BUB3: variants seen among roughly 807,000 people sequenced by gnomAD.
BUB3 encodes mitotic checkpoint protein BUB3.
BUB3 carries 22 observed loss-of-function variants against 39.9 expected under a neutral mutation model. That is an observed-to-expected ratio of 0.55 (90% CI 0.39 to 0.79). BUB3 has a LOEUF of 0.79. Among genes scored for constraint, BUB3 ranks in the 30% least tolerant of loss-of-function variants. The pLI is 0.00. For synonymous variants in BUB3, 168 were observed against 155.1 expected (o/e 1.08, Z -0.62); for missense variants, 303 against 415.4 (o/e 0.73, Z 2.35).
At chr10:123,160,949 G>T (rs528199657) in intron 5 of BUB3, among the ~76,000 whole-genome samples, 42 of 152,138 alleles carry the variant, frequency 2.8e-4, no homozygotes, top group Admixed American at 2.2e-3. Flanking sequence ...TTAAGCTTAT[G>T]GAATTTGCTG....
In BUB3 at chr10:123,160,522, T is replaced by C. The variant is rs767340055; in HGVS notation, c.533T>C (p.Leu178Pro). 1.2e-6 allele frequency: 2 copies of C among 1,612,142 alleles called. No individual in the cohort carries two copies. The highest frequency in any genetic ancestry group is 1.1e-5 in the South Asian group (1 of 90,736). ...GYVQQRRESSLKYQTRCIRAF... is the reference protein window; with the variant it reads ...GYVQQRRESSPKYQTRCIRAF... ...GTGCAGCAGCGCAGGGAGTCCAGCC[T>C]GAAATACCAGACTCGCTGCATACGA... The change falls in exon 5 of 8, where the codon CTG (leucine) becomes CCG (proline). Residue 178 changes from leucine (L) to proline (P), a missense_variant. Transcript: ENST00000368865.
intron 7 of BUB3, chr10:123,163,190 T>G (rs1301117161): frequency 5.0e-5 from 11 of 219,624 alleles, no homozygotes; most frequent in Non-Finnish European, 7.1e-5. Context: ...GAATTTGAAC[T>G]GCCAAAAATC....
In BUB3 at chr10:123,160,314, A is replaced by C. The variant is rs536650655; in HGVS notation, c.418-93A>C. 2.7e-5 allele frequency: 32 copies of C among 1,180,312 alleles called. No homozygotes were observed. The Admixed American group carries it at 7.7e-4, about 28-fold the overall frequency. The allele number at this position is 1,180,312 out of a possible 1,614,324, so 73.1% of individuals were successfully genotyped here. A position where few individuals can be genotyped will look rare whatever the true frequency, so the allele number is the denominator to read the frequency against. On this transcript the variant is annotated intron_variant, in intron 4 of 7. Coordinates refer to ENST00000368865, the MANE Select transcript of BUB3 (RefSeq NM_004725.4). The stretch of plus-strand genomic sequence containing the variant: ...GGGGAATTCAGTCAGCTAATTTTTT[A>C]TGGTCTTATGATCAGATGGACTTTA...
chr10:123,158,077 C>T (rs1035240806), intron 4 of BUB3, among the ~76,000 whole-genome samples, 197 bp downstream of exon 4: 16 of 152,140 alleles, frequency 1.1e-4, no homozygotes, highest in Admixed American at 6.5e-5. Flanking sequence ...GGATTTTGGG[C>T]CAACTTTTAT....
intron 3 of BUB3, 71 bp downstream of exon 3, chr10:123,155,798 A>G: frequency 6.9e-7 from 1 of 1,452,516 alleles, no homozygotes; most frequent in Admixed American, 1.7e-5. Context: ...TTATGTAGGA[A>G]GAGTGGTTCC....
chr10:123,160,998 G>T (rs74231295), intron 5 of BUB3, among the ~76,000 whole-genome samples: 2,838 of 151,620 alleles, frequency 0.019, 81 homozygotes, highest in East Asian at 0.11. Flanking sequence ...TGCTTATGGA[G>T]TTCTTTCCCC....
At position 123,169,846 on chromosome 10, in the gene BUB3, CTAAGT is replaced by C. The variant is rs1013321942; in HGVS notation, c.*6015_*6019del. The stretch of plus-strand genomic sequence containing the variant: ...TACTGCTTATTCAGGGGGCCACTAG[CTAAGT>C]TAATTTGTGAGCCTGGGCAACATGG... On this transcript the variant is annotated 3_prime_UTR_variant, in exon 8 of 8. Transcript: ENST00000368865. The C allele has an allele frequency of 2.6e-5, 4 of 152,162 alleles. No individual in the cohort carries two copies. The highest frequency in any genetic ancestry group is 6.5e-5 in the Admixed American group (1 of 15,272). 9.4% of individuals were successfully genotyped at this position (152,162 alleles called of 1,614,324 possible).
At chr10:123,154,750 G>T in intron 1 of BUB3, 168 bp from the exon 2 acceptor site, 1 of 695,856 alleles carries the variant, frequency 1.4e-6, no homozygotes, top group Non-Finnish European at 2.3e-6. Flanking sequence ...CCGGATGATG[G>T]GGCGAGTCCG....
Position 123,162,837 on chromosome 10 carries a change from G to T in BUB3, c.971+9G>T, listed in dbSNP as rs1355553330. 1.2e-6 allele frequency: 2 copies of T among 1,605,732 alleles called. No homozygotes were observed. Among genetic ancestry groups the T allele is most frequent in the Non-Finnish European group, 1.7e-6 (2 of 1,174,614 alleles). On this transcript the variant is annotated intron_variant, in intron 7 of 7. Transcript: ENST00000368865. ...GCAGAAACAAAACCCAAGTGAGTAT[G>T]CTTCACCTGTATTTGAGCCTTTTCT...
In BUB3 at chr10:123,156,753, G is replaced by GTTTTTTTTTTTTTTTTTTTTTTTTTTTTT. The variant is rs756642442; in HGVS notation, c.266-965_266-964insTTTTTTTTTTTTTTTTTTTTTTTTTTTTT. ...ATGAAATCCTTTCTTTTTCTTTCTTGTTTTTTTTTTTGAGCTAGAGTCTCA... is the reference window on the plus strand; with the variant it reads ...ATGAAATCCTTTCTTTTTCTTTCTTGTTTTTTTTTTTTTTTTTTTTTTTTTTTTTTTTTTTTTTTTGAGCTAGAGTCTCA... On this transcript the variant is annotated intron_variant, in intron 3 of 7. Coordinates refer to ENST00000368865, the MANE Select transcript of BUB3 (RefSeq NM_004725.4). 1.4e-4 allele frequency among the ~76,000 whole-genome samples: 19 copies of GTTTTTTTTTTTTTTTTTTTTTTTTTTTTT among 135,092 alleles called. 2 individuals carry two copies. In the East Asian group the frequency reaches 1.8e-3, roughly 12 times the overall value. The allele number at this position is 135,092 out of a possible 152,430, so 88.6% of individuals were successfully genotyped here.
rs1284210117 is a variant in BUB3, at chr10:123,167,385, C to T, written c.*3550C>T. On this transcript the variant is annotated 3_prime_UTR_variant, in exon 8 of 8. Transcript: ENST00000368865. ...TGTTGCAGCTCACAAATAAGTGTGC[C>T]CTTTCTCAAAACACGTATGAAACAC... is the stretch of plus-strand genomic sequence containing the variant. The T allele has an allele frequency of 6.6e-6, 1 of 152,074 alleles. No homozygotes were observed. Among genetic ancestry groups the T allele is most frequent in the African/African-American group, 2.4e-5 (1 of 41,384 alleles). The allele number at this position is 152,074 out of a possible 1,614,324, so 9.4% of individuals were successfully genotyped here.
chr10:123,160,708 G>C (rs1046903922), intron 5 of BUB3, 143 bp downstream of exon 5: 5 of 800,098 alleles, frequency 6.2e-6, no homozygotes, highest in African/African-American at 1.8e-5. Flanking sequence ...ATTCTTCCTT[G>C]ATATTTTTGA....
At chr10:123,157,992 G>A in intron 4 of BUB3, 112 bp downstream of exon 4, 1 of 1,158,600 alleles carries the variant, frequency 8.6e-7, no homozygotes, top group East Asian at 2.7e-5. Context: ...CAACATGGGG[G>A]GAAAAAAGGT....
At chr10:123,155,844 T>G in intron 3 of BUB3, 117 bp downstream of exon 3, 1 of 865,818 alleles carries the variant, frequency 1.2e-6, no homozygotes, top group Non-Finnish European at 1.8e-6. Context: ...TAAGTACAGG[T>G]GGCTTGAATT....
rs1288831687 is a variant in BUB3 at position 123,164,317 on chromosome 10, C to A, written c.*482C>A. On this transcript the variant is annotated 3_prime_UTR_variant, in exon 8 of 8. Transcript: ENST00000368865. ...ACAATTAAACAATATTTCCTCTTGG[C>A]CGTCCATTATTTTCTGAAGCAGATG... 1.0e-6 allele frequency: 1 copy of A among 985,766 alleles called. No homozygotes were observed. The highest frequency in any genetic ancestry group is 4.7e-5 in the South Asian group (1 of 21,304). 61.1% of individuals were successfully genotyped at this position (985,766 alleles called of 1,614,324 possible).
At position 123,164,206 on chromosome 10, in the gene BUB3, A is replaced by G. The variant is rs527569482; in HGVS notation, c.*371A>G. 5.5e-4 allele frequency: 545 copies of G among 998,936 alleles called. No homozygotes were observed. The highest frequency in any genetic ancestry group is 5.6e-4 in the Non-Finnish European group (472 of 839,416). 61.9% of individuals were successfully genotyped at this position (998,936 alleles called of 1,614,324 possible). A position where few individuals can be genotyped will look rare whatever the true frequency, so the allele number is the denominator to read the frequency against. On this transcript the variant is annotated 3_prime_UTR_variant, in exon 8 of 8. Coordinates refer to ENST00000368865, the MANE Select transcript of BUB3 (RefSeq NM_004725.4). ...TTCTGGACCTTAAATGGTAGAGGAA[A>G]AGGCTCGTGAGCCATTTGTTTCTTT...
At position 123,154,908 on chromosome 10, in the gene BUB3, T is replaced by A; in HGVS notation, c.1-10T>A. 1 of 1,605,808 alleles carries A rather than the reference T, an allele frequency of 6.2e-7. No homozygotes were observed. Among genetic ancestry groups the A allele is most frequent in the Non-Finnish European group, 8.5e-7 (1 of 1,175,722 alleles). ...GGGACCCCTGGGGACTCTGGGCGCC[T>A]GTTCTGCAGATGACCGGTTCTAACG... is the stretch of plus-strand genomic sequence containing the variant. On this transcript the variant is annotated splice_polypyrimidine_tract_variant and intron_variant, in intron 1 of 7. Transcript: ENST00000368865.
rs1844456154 is a variant in BUB3 at position 123,163,994 on chromosome 10, T to A, written c.*159T>A. 3.0e-6 allele frequency: 4 copies of A among 1,326,938 alleles called. No individual in the cohort carries two copies. The highest frequency in any genetic ancestry group is 3.9e-6 in the Non-Finnish European group (4 of 1,034,116). The allele number at this position is 1,326,938 out of a possible 1,614,324, so 82.2% of individuals were successfully genotyped here. On this transcript the variant is annotated 3_prime_UTR_variant, in exon 8 of 8. Coordinates refer to ENST00000368865, the MANE Select transcript of BUB3 (RefSeq NM_004725.4). ...AAAGAGGTTTTTGAATTTTTTTTTT[T>A]AAATAAACACCTTCTTAAGTGCATG...
At position 123,160,484 on chromosome 10, in the gene BUB3, G is replaced by C; in HGVS notation, c.495G>C (p.Arg165=). 6.2e-7 allele frequency: 1 copy of C among 1,613,492 alleles called. No homozygotes were observed. The highest frequency in any genetic ancestry group is 1.3e-5 in the African/African-American group (1 of 75,006). The part of the protein sequence containing the change: ...AGRRVLVWDL[R]NMGYVQQRRE... Reference sequence around the variant, plus strand: ...GCAGAGTGTTGGTGTGGGACTTACGGAACATGGGTTACGTGCAGCAGCGCA... The same window carrying C: ...GCAGAGTGTTGGTGTGGGACTTACGCAACATGGGTTACGTGCAGCAGCGCA... The change falls in exon 5 of 8, where the codon CGG becomes CGC. Residue 165 remains arginine (R), a synonymous_variant. Coordinates refer to ENST00000368865, the MANE Select transcript of BUB3 (RefSeq NM_004725.4).
Sources: allele counts gnomAD v4.1 joint callset (sites outside exome capture counted in the v4.1 genomes callset), GRCh38; gene constraint gnomAD v4.1.1; transcripts MANE v1.5; gene names NCBI Gene and HGNC (gene_info 2026-07-23, HGNC 2026-07-21).